The following BRWD1 variants were observed in gnomAD, a reference collection of about 807,000 sequenced individuals.
BRWD1 encodes the protein bromodomain and WD repeat-containing protein 1.
BRWD1 carries 82 observed loss-of-function variants against 251.2 expected under a neutral mutation model. That is an observed-to-expected ratio of 0.33 (90% CI 0.27 to 0.39). The LOEUF is 0.39. Ranked by LOEUF, BRWD1 falls within the 10% of genes least tolerant of loss-of-function variation. The pLI is 1.00. For synonymous variants in BRWD1, 918 were observed against 902.8 expected, an observed-to-expected ratio of 1.02 and a Z score of -0.30; for missense variants, 2,233 against 2,711.6, an observed-to-expected ratio of 0.82 and a Z score of 3.92.
intron 17 of BRWD1, among the ~76,000 whole-genome samples, chr21:39,264,175 G>A (rs909201818): frequency 6.6e-6 from 1 of 151,948 alleles, no homozygotes; most frequent in Non-Finnish European, 1.5e-5. Flanking sequence ...GGAAATTTTT[G>A]GTTACACACT....
Position 39,202,385 on chromosome 21 carries a change from C to T in BRWD1, c.4525G>A (p.Ala1509Thr). The change falls in exon 38 of 41, where the codon GCA (alanine) becomes ACA (threonine). Residue 1509 changes from alanine to threonine, a missense_variant. Coordinates refer to ENST00000342449, the MANE Select transcript of BRWD1 (RefSeq NM_033656.4). The part of the protein sequence containing the change: ...GVTSGDSSDS[A>T]ESSERRKRNR... Reference sequence around the variant, plus strand: ...CTTTTCCTCCTTTCTGATGATTCTGCTGAATCTGAAGAGTCACCAGAAGTA... The same window carrying T: ...CTTTTCCTCCTTTCTGATGATTCTGTTGAATCTGAAGAGTCACCAGAAGTA... 1 of 1,613,870 alleles carries T rather than the reference C, an allele frequency of 6.2e-7. No individual in the cohort carries two copies. Among genetic ancestry groups the T allele is most frequent in the Non-Finnish European group, 8.5e-7 (1 of 1,179,792 alleles).
chr21:39,240,540 T>C (rs11910971), intron 21 of BRWD1, among the ~76,000 whole-genome samples: 141,109 of 152,276 alleles, frequency 0.93, 65,732 homozygotes, highest in African/African-American at 0.97. Context: ...ATGACACTTC[T>C]AGCAGTACAA....
chr21:39,274,291 G>A (rs1032736844), intron 13 of BRWD1, 83 bp downstream of exon 13: 28 of 1,081,550 alleles, frequency 2.6e-5, no homozygotes, highest in Non-Finnish European at 3.6e-5. Flanking sequence ...TAACCACTGA[G>A]AGACACAGAG....
intron 17 of BRWD1, among the ~76,000 whole-genome samples, chr21:39,259,335 G>A (rs1375917033): frequency 2.0e-5 from 3 of 152,236 alleles, no homozygotes; most frequent in South Asian, 4.1e-4. Flanking sequence ...TTGTTGCCCA[G>A]GCTGGAGTGC....
chr21:39,277,492 C>T (rs2035314420), intron 10 of BRWD1, 141 bp from the exon 11 acceptor site: 1 of 552,800 alleles, frequency 1.8e-6, no homozygotes, highest in Non-Finnish European at 3.0e-6. Flanking sequence ...TTCTGACTCA[C>T]TATATAGAGG....
At position 39,190,092 on chromosome 21, in the gene BRWD1, T is replaced by G; in HGVS notation, c.*6167A>C. On this transcript the variant is annotated 3_prime_UTR_variant, in exon 41 of 41. Coordinates refer to ENST00000342449, the MANE Select transcript of BRWD1 (RefSeq NM_033656.4). The stretch of plus-strand genomic sequence containing the variant: ...TGATCATTTCCCTGGATGACCACTT[T>G]AAATTATAACTCACAGATATGTGTG... The G allele has an allele frequency of 2.0e-6, 2 of 985,374 alleles. No individual in the cohort carries two copies. Among genetic ancestry groups the G allele is most frequent in the Non-Finnish European group, 2.4e-6 (2 of 829,874 alleles). 61.0% of individuals were successfully genotyped at this position (985,374 alleles called of 1,614,324 possible).
intron 4 of BRWD1, among the ~76,000 whole-genome samples, chr21:39,310,143 T>C (rs1431346534): frequency 6.6e-6 from 1 of 152,244 alleles, no homozygotes; most frequent in East Asian, 1.9e-4. Context: ...TTTGAAGATG[T>C]CCATTGATAG....
At chr21:39,199,749 T>A in intron 39 of BRWD1, 87 bp from the exon 40 acceptor site, 1 of 1,284,908 alleles carries the variant, frequency 7.8e-7, no homozygotes, top group Non-Finnish European at 1.1e-6. Context: ...TTTTCTTCAC[T>A]TTTTTGGGGG....
At chr21:39,279,638 C>CAAAAAAAAAAAAAAAAAAAA (rs77282416) in intron 9 of BRWD1, among the ~76,000 whole-genome samples, 2 of 66,884 alleles carry the variant, frequency 3.0e-5, no homozygotes, top group African/African-American at 8.5e-5. Context: ...GACTCCATCT[C>CAAAAAAAAAAAAAAAAAAAA]AAAAAAAAAA....
rs1434794249 is a variant in BRWD1 at position 39,213,525 on chromosome 21, G to T, written c.3814C>A (p.Leu1272Ile). The change falls in exon 33 of 41, where the codon CTT becomes ATT. Residue 1272 changes from leucine to isoleucine, a missense_variant. Leu to Ile is a conservative substitution (Grantham distance 5, BLOSUM62 2). Coordinates refer to ENST00000342449, the MANE Select transcript of BRWD1 (RefSeq NM_033656.4). ...KNQHCTNISE[L>I]SNTSENDEQN... ...TCATCATTTTCAGATGTGTTAGAAA[G>T]TTCTGAGATATTTGTACAGTGTTGA... is the stretch of plus-strand genomic sequence containing the variant. The T allele has an allele frequency of 1.2e-6, 2 of 1,611,846 alleles. No individual in the cohort carries two copies. Among genetic ancestry groups the T allele is most frequent in the Admixed American group, 1.7e-5 (1 of 59,710 alleles).
At chr21:39,251,880 A>C (rs908251804) in intron 19 of BRWD1, among the ~76,000 whole-genome samples, 8 of 152,220 alleles carry the variant, frequency 5.3e-5, no homozygotes, top group African/African-American at 1.7e-4. Flanking sequence ...CACTTGACAT[A>C]GGTATCATTT....
Position 39,194,628 on chromosome 21 carries a change from A to G in BRWD1, c.*1631T>C. The G allele has an allele frequency of 2.0e-6, 3 of 1,527,776 alleles. No homozygotes were observed. The highest frequency in any genetic ancestry group is 2.6e-6 in the Non-Finnish European group (3 of 1,142,140). The allele number at this position is 1,527,776 out of a possible 1,614,324, so 94.6% of individuals were successfully genotyped here. On this transcript the variant is annotated 3_prime_UTR_variant, in exon 41 of 41. Coordinates refer to ENST00000342449, the MANE Select transcript of BRWD1 (RefSeq NM_033656.4). ...AGAGTAGAAAGAAAATGTACCTTCT[A>G]CTATGTCAAATGGAATAGATAACTA... is the stretch of plus-strand genomic sequence containing the variant.
intron 8 of BRWD1, among the ~76,000 whole-genome samples, chr21:39,291,069 G>T (rs1008603206): frequency 6.6e-6 from 1 of 152,066 alleles, no homozygotes; most frequent in African/African-American, 2.4e-5. Flanking sequence ...AGGTTACAGT[G>T]AGCCATGACT....
At position 39,190,238 on chromosome 21, in the gene BRWD1, TA is replaced by T. The variant is rs1555844194; in HGVS notation, c.*6020del. ...ATCATATTCTAATTAGACTTTTTTT[TA>T]ATTTTTAAGCTACCTTATTTACAGA... is the stretch of plus-strand genomic sequence containing the variant. On this transcript the variant is annotated 3_prime_UTR_variant, in exon 41 of 41. Coordinates refer to ENST00000342449, the MANE Select transcript of BRWD1 (RefSeq NM_033656.4). 5.1e-4 allele frequency: 494 copies of T among 973,766 alleles called. 3 individuals are homozygous for T. Among genetic ancestry groups the T allele is most frequent in the Admixed American group, 2.3e-3 (37 of 16,188 alleles). 60.3% of individuals were successfully genotyped at this position (973,766 alleles called of 1,614,324 possible). A position where few individuals can be genotyped will look rare whatever the true frequency, so the allele number is the denominator to read the frequency against.
At chr21:39,249,485 A>T (rs569573396) in intron 20 of BRWD1, among the ~76,000 whole-genome samples, 23 of 151,096 alleles carry the variant, frequency 1.5e-4, no homozygotes, top group African/African-American at 5.3e-4. Flanking sequence ...CAGAATAATC[A>T]TTCAAAATCA....
Position 39,293,133 on chromosome 21 carries a change from C to T in BRWD1, c.831+678G>A, listed in dbSNP as rs117919941. 6.5e-3 allele frequency among the ~76,000 whole-genome samples: 990 copies of T among 152,252 alleles called. 7 individuals carry two copies. The highest frequency in any genetic ancestry group is 0.01 in the Non-Finnish European group (701 of 68,020). Reference sequence around the variant, plus strand: ...CAGATACATAGGGGTTTATACAATTCTGTCTACTCTGTATAGGTTCAAAAT... The same window carrying T: ...CAGATACATAGGGGTTTATACAATTTTGTCTACTCTGTATAGGTTCAAAAT... On this transcript the variant is annotated intron_variant, in intron 8 of 40. Coordinates refer to ENST00000342449, the MANE Select transcript of BRWD1 (RefSeq NM_033656.4).
Position 39,288,718 on chromosome 21 carries a change from GA to G in BRWD1, c.831+5092del, listed in dbSNP as rs1241902708. On this transcript the variant is annotated intron_variant, in intron 8 of 40. Coordinates refer to ENST00000342449, the MANE Select transcript of BRWD1 (RefSeq NM_033656.4). The stretch of plus-strand genomic sequence containing the variant: ...AATGTATTCTTATAATAAAGCTAGA[GA>G]AAAGAAAATGTTATCAAGAAAATCG... 2.0e-5 allele frequency among the ~76,000 whole-genome samples: 3 copies of G among 152,206 alleles called. No homozygotes were observed. In the East Asian group the frequency reaches 5.8e-4, roughly 29 times the overall value.
chr21:39,267,388 G>T (rs951818778), intron 15 of BRWD1, among the ~76,000 whole-genome samples: 1 of 152,238 alleles, frequency 6.6e-6, no homozygotes. Context: ...AAGGTCAGGA[G>T]ATCGAGACCA....
chr21:39,228,529 T>C lies in BRWD1; in HGVS notation c.3179A>G (p.Asp1060Gly). Reference sequence around the variant, plus strand: ...CTGCCAATTCCTCTGTCTTGCTTCATCATAAAATTGACGCAATACAAGAAA... The same window carrying C: ...CTGCCAATTCCTCTGTCTTGCTTCACCATAAAATTGACGCAATACAAGAAA... ...IDFLVLRQFY[D>G]EARQRNWQSC... Residue 1060 changes from aspartate (D) to glycine (G), a missense_variant, in exon 27 of 41, where the codon GAT becomes GGT. Around this residue, in one of 12 missense-constraint regions of BRWD1, gnomAD observed 139 missense variants for 272.8 expected, o/e 0.51. Transcript: ENST00000342449. 3 of 1,613,232 alleles carry C rather than the reference T, an allele frequency of 1.9e-6. No homozygotes were observed. The highest frequency in any genetic ancestry group is 2.5e-6 in the Non-Finnish European group (3 of 1,179,410).
Sources: gnomAD v4.1 joint callset for allele counts (sites outside exome capture counted in the v4.1 genomes callset) on GRCh38, gnomAD v4.1.1 for gene constraint, gnomAD v4.1.1 regional missense constraint, MANE v1.5 for transcripts, NCBI Gene and HGNC (gene_info 2026-07-23, HGNC 2026-07-21) for gene names.